ATM: variants seen among roughly 807,000 people sequenced by gnomAD.
ATM encodes the protein serine-protein kinase ATM.
In ATM, 308 loss-of-function variants were observed where a neutral mutation model predicts 387.0. That is an observed-to-expected ratio of 0.80 (90% CI 0.73 to 0.87). The LOEUF (loss-of-function observed/expected upper bound fraction) is 0.87, where lower values mean the gene tolerates loss of function less well. ATM is among the 40% of genes least tolerant of loss of function. The probability of loss-of-function intolerance (pLI) is 0.00; values close to 1 mark genes in which losing one functional copy is unlikely to be tolerated. For synonymous variants in ATM, 1,156 were observed against 1,187.3 expected (o/e 0.97, Z 0.54); for missense variants, 3,312 against 3,560.9 (o/e 0.93, Z 1.78).
At chr11:108,323,866 C>A (rs900428186) in intron 45 of ATM, among the ~76,000 whole-genome samples, 1 of 152,034 alleles carries the variant, frequency 6.6e-6, no homozygotes. Flanking sequence ...TAAATAATAA[C>A]AAACTAAATG....
At chr11:108,231,230 A>G (rs1013942037) in intron 4 of ATM, among the ~76,000 whole-genome samples, 3 of 152,182 alleles carry the variant, frequency 2.0e-5, no homozygotes, top group Non-Finnish European at 4.4e-5. Flanking sequence ...AACTTGTACA[A>G]TTAATATTGT....
intron 5 of ATM, among the ~76,000 whole-genome samples, chr11:108,238,521 C>T (rs768034942): frequency 1.7e-4 from 26 of 152,202 alleles, no homozygotes; most frequent in Non-Finnish European, 3.5e-4. Flanking sequence ...ATTTATACTG[C>T]AGTAGTTTGT....
chr11:108,230,742 G>A (rs1421513945), intron 4 of ATM: 2 of 152,180 alleles, frequency 1.3e-5, no homozygotes, highest in Non-Finnish European at 2.9e-5. Context: ...CTGTAGCCCA[G>A]GCTGGAGTGC....
intron 16 of ATM, among the ~76,000 whole-genome samples, chr11:108,266,554 G>T (rs1250369058): frequency 6.6e-6 from 1 of 151,190 alleles, no homozygotes; most frequent in African/African-American, 2.4e-5. Flanking sequence ...GTTAGTGGGT[G>T]CAGCACACCA....
intron 38 of ATM, 57 bp from the exon 39 acceptor site, chr11:108,310,103 T>G (rs2084014651): frequency 6.5e-7 from 1 of 1,549,140 alleles, no homozygotes; most frequent in Non-Finnish European, 8.9e-7. Flanking sequence ...CAACATGCTT[T>G]TATTTTGATA....
At chr11:108,356,418 C>A (rs2089928460) in intron 61 of ATM, among the ~76,000 whole-genome samples, 9 of 151,890 alleles carry the variant, frequency 5.9e-5, no homozygotes, top group Admixed American at 5.9e-4. Context: ...CACCTGTAAT[C>A]CCAGCTACTC....
rs587778076 is a variant in ATM, at chr11:108,294,929, A to G, written c.4779A>G (p.Glu1593=). The G allele has an allele frequency of 2.1e-5, 34 of 1,613,726 alleles. No homozygotes were observed. Among genetic ancestry groups the G allele is most frequent in the Non-Finnish European group, 2.7e-5 (32 of 1,179,772 alleles). ...YSRGPFSLLE[E]INHFLSVSVY... Reference sequence around the variant, plus strand: ...GCAAGTTACATTTTCTCTTTTAGGAAATTAACCATTTTCTCTCAGTAAGTG... The same window carrying G: ...GCAAGTTACATTTTCTCTTTTAGGAGATTAACCATTTTCTCTCAGTAAGTG... The change falls in exon 32 of 63, where the codon GAA becomes GAG. Residue 1593 remains glutamate, a splice_region_variant and synonymous_variant. Coordinates refer to ENST00000675843, the MANE Select transcript of ATM (RefSeq NM_000051.4).
rs2082288820 is a variant in ATM, at chr11:108,282,622, T to C, written c.3577-88T>C. 6 of 1,262,588 alleles carry C rather than the reference T, an allele frequency of 4.8e-6. 1 individual carries two copies. The allele number at this position is 1,262,588 out of a possible 1,614,324, so 78.2% of individuals were successfully genotyped here. A position where few individuals can be genotyped will look rare whatever the true frequency, so the allele number is the denominator to read the frequency against. ...AGAAAAGTTGAATGAATGTTGTTTC[T>C]AGGTCCTACTCTAAATAATATTAAC... On this transcript the variant is annotated intron_variant, in intron 24 of 62. Coordinates refer to ENST00000675843, the MANE Select transcript of ATM (RefSeq NM_000051.4).
At chr11:108,336,526 T>C (rs893248927) in intron 56 of ATM, 2 of 156,924 alleles carry the variant, frequency 1.3e-5, no homozygotes, top group East Asian at 1.9e-4. Flanking sequence ...AACAGCTGCA[T>C]TGTGTGTATG....
intron 50 of ATM, 98 bp from the exon 51 acceptor site, chr11:108,331,346 T>G: frequency 6.7e-7 from 1 of 1,502,172 alleles, no homozygotes; most frequent in Non-Finnish European, 8.9e-7. Context: ...CCACTTGTGC[T>G]AATAGAGGAG....
intron 5 of ATM, among the ~76,000 whole-genome samples, chr11:108,240,170 T>A (rs190777864): frequency 6.6e-6 from 1 of 152,338 alleles, no homozygotes; most frequent in East Asian, 1.9e-4. Context: ...GACAAGTGTT[T>A]TGACATTTTT....
chr11:108,293,919 A>ATATATATATATATATATATATATG (rs1397910875), intron 31 of ATM, among the ~76,000 whole-genome samples: 1 of 117,050 alleles, frequency 8.5e-6, no homozygotes, highest in Admixed American at 1.0e-4. Flanking sequence ...ATATATATAT[A>ATATATATATATATATATATATATG]TGTGTGTGTA....
At chr11:108,262,418 C>T (rs1320432448) in intron 16 of ATM, among the ~76,000 whole-genome samples, 3 of 152,168 alleles carry the variant, frequency 2.0e-5, no homozygotes, top group Non-Finnish European at 4.4e-5. Flanking sequence ...AAATACTTTA[C>T]AGACAAGCAA....
chr11:108,340,811 T>G (rs1369745995), intron 56 of ATM, among the ~76,000 whole-genome samples: 1 of 152,160 alleles, frequency 6.6e-6, no homozygotes, highest in East Asian at 1.9e-4. Context: ...CCTATGAACC[T>G]CCTCCCATGT....
At chr11:108,281,277 A>G (rs2082218815) in intron 24 of ATM, 109 bp downstream of exon 24, 2 of 1,161,236 alleles carry the variant, frequency 1.7e-6, no homozygotes, top group Admixed American at 2.0e-5. Context: ...CTAGGAAACA[A>G]TTTTATTTTT....
chr11:108,305,329 C>T (rs1313207428), intron 37 of ATM, among the ~76,000 whole-genome samples: 1 of 152,192 alleles, frequency 6.6e-6, no homozygotes, highest in Non-Finnish European at 1.5e-5. Context: ...CCTGTAATGC[C>T]AGCACTTTGG....
Position 108,279,628 on chromosome 11 carries a change from A to T in ATM, c.3402+20A>T. The T allele has an allele frequency of 6.5e-7, 1 of 1,550,128 alleles. No homozygotes were observed. Among genetic ancestry groups the T allele is most frequent in the Non-Finnish European group, 8.9e-7 (1 of 1,122,624 alleles). The stretch of plus-strand genomic sequence containing the variant: ...GAAATGGTAATTTTAAGTAACATGT[A>T]TTTGCTGTTATCATATGCTTGCTAT... On this transcript the variant is annotated intron_variant, in intron 23 of 62. Transcript: ENST00000675843.
rs542281446 is a variant in ATM, at chr11:108,355,294, G to C, written c.8850+420G>C. ...CAAATTGTCAGCATCATTACTAGAG[G>C]AACATGGCTTAGGAATGAGGGCCAG... is the stretch of plus-strand genomic sequence containing the variant. On this transcript the variant is annotated intron_variant, in intron 61 of 62. Transcript: ENST00000675843. 32 of 230,622 alleles carry C rather than the reference G, an allele frequency of 1.4e-4. 1 individual carries two copies. The South Asian group carries it at 1.9e-3, about 14-fold the overall frequency. 14.3% of individuals were successfully genotyped at this position (230,622 alleles called of 1,614,324 possible).
At chr11:108,229,039 A>G in intron 3 of ATM, 139 bp from the exon 4 acceptor site, 1 of 789,832 alleles carries the variant, frequency 1.3e-6, no homozygotes, top group Non-Finnish European at 2.0e-6. Context: ...TAATTGTTTT[A>G]TTTGTTTTTT....
Sources: gnomAD v4.1 joint callset for allele counts (sites outside exome capture counted in the v4.1 genomes callset) on GRCh38, gnomAD v4.1.1 for gene constraint, MANE v1.5 for transcripts, NCBI Gene and HGNC (gene_info 2026-07-23, HGNC 2026-07-21) for gene names.